The following CNTNAP2 variants were observed in gnomAD, a reference collection of about 807,000 sequenced individuals.
CNTNAP2 encodes the protein contactin-associated protein-like 2.
In CNTNAP2, 98 loss-of-function variants were observed where a neutral mutation model predicts 155.2. That is an observed-to-expected ratio of 0.63 (90% CI 0.54 to 0.75). The LOEUF (loss-of-function observed/expected upper bound fraction) is 0.75, where lower values mean the gene tolerates loss of function less well. Ranked by LOEUF, CNTNAP2 falls within the 30% of genes least tolerant of loss-of-function variation. CNTNAP2 has a pLI of 0.00. For synonymous variants in CNTNAP2, 651 were observed against 631.2 expected (o/e 1.03, Z -0.47); for missense variants, 1,727 against 1,688.1 (o/e 1.02, Z -0.40).
chr7:146,310,386 C>T (rs1800798357), intron 1 of CNTNAP2, among the ~76,000 whole-genome samples: 1 of 152,022 alleles, frequency 6.6e-6, no homozygotes, highest in African/African-American at 2.4e-5. Flanking sequence ...TGAATTATTT[C>T]TGATTCCTCA....
chr7:147,356,296 C>T (rs1342775795), intron 9 of CNTNAP2, among the ~76,000 whole-genome samples: 2 of 151,484 alleles, frequency 1.3e-5, no homozygotes, highest in African/African-American at 4.8e-5. Flanking sequence ...CAAAATAATA[C>T]CTATTTATGA....
intron 1 of CNTNAP2, among the ~76,000 whole-genome samples, chr7:146,531,313 C>G (rs1797766095): frequency 6.6e-6 from 1 of 151,992 alleles, no homozygotes; most frequent in Non-Finnish European, 1.5e-5. Flanking sequence ...TACACCAAAC[C>G]CCTGCGAACA....
chr7:147,940,413 G>A (rs964639734), intron 14 of CNTNAP2: 1 of 151,188 alleles, frequency 6.6e-6, no homozygotes, highest in Non-Finnish European at 1.5e-5. Flanking sequence ...AAAAAGCAGA[G>A]TAAAACTTAC....
intron 8 of CNTNAP2, among the ~76,000 whole-genome samples, chr7:147,254,609 T>C (rs1804279718): frequency 6.6e-6 from 1 of 152,224 alleles, no homozygotes; most frequent in Non-Finnish European, 1.5e-5. Flanking sequence ...TATAACCATA[T>C]GGTTTTTCCT....
intron 3 of CNTNAP2, among the ~76,000 whole-genome samples, chr7:146,979,395 C>A (rs1388170182): frequency 1.3e-5 from 2 of 152,184 alleles, no homozygotes; most frequent in Non-Finnish European, 2.9e-5. Flanking sequence ...CTGGCTCCTT[C>A]TTATTATCCA....
chr7:146,481,563 A>C (rs947580132), intron 1 of CNTNAP2, among the ~76,000 whole-genome samples: 11 of 152,166 alleles, frequency 7.2e-5, no homozygotes, highest in South Asian at 2.1e-4. Context: ...CCACCTCCTC[A>C]TCATCATCAT....
chr7:146,814,821 C>G (rs1411700308), intron 2 of CNTNAP2, among the ~76,000 whole-genome samples: 2 of 152,148 alleles, frequency 1.3e-5, no homozygotes, highest in East Asian at 3.9e-4. Context: ...ACAAAACTTA[C>G]AGTCATTTCT....
At chr7:147,319,152 G>A (rs926252414) in intron 9 of CNTNAP2, among the ~76,000 whole-genome samples, 2 of 152,026 alleles carry the variant, frequency 1.3e-5, no homozygotes, top group African/African-American at 4.8e-5. Flanking sequence ...TTCCAGTATA[G>A]AATGTCCATA....
intron 8 of CNTNAP2, among the ~76,000 whole-genome samples, chr7:147,174,003 C>G (rs1407267448): frequency 1.3e-5 from 2 of 152,098 alleles, no homozygotes; most frequent in Admixed American, 6.5e-5. Context: ...GCATAGGGAA[C>G]TGATTATGCC....
chr7:147,196,247 C>A (rs1189701894), intron 8 of CNTNAP2, among the ~76,000 whole-genome samples: 1 of 152,152 alleles, frequency 6.6e-6, no homozygotes, highest in Non-Finnish European at 1.5e-5. Flanking sequence ...GCAGCCCACA[C>A]CAACTAACAC....
intron 1 of CNTNAP2, among the ~76,000 whole-genome samples, chr7:146,621,712 C>G (rs763588873): frequency 2.2e-4 from 33 of 152,210 alleles, no homozygotes; most frequent in Middle Eastern, 3.4e-3. Flanking sequence ...ATCTTGATTA[C>G]CTGGCTAAAG....
intron 2 of CNTNAP2, among the ~76,000 whole-genome samples, chr7:146,813,835 G>T (rs1490027993): frequency 1.3e-5 from 2 of 152,092 alleles, no homozygotes; most frequent in Non-Finnish European, 2.9e-5. Context: ...GGAAGTAATT[G>T]AATCATGGGG....
At chr7:146,592,238 C>T (rs547671046) in intron 1 of CNTNAP2, among the ~76,000 whole-genome samples, 129 of 152,274 alleles carry the variant, frequency 8.5e-4, no homozygotes, top group African/African-American at 3.0e-3. Context: ...ATCTCTGTGG[C>T]ATATGGTCTT....
chr7:146,156,802 T>C (rs908340040), intron 1 of CNTNAP2, among the ~76,000 whole-genome samples: 4 of 152,190 alleles, frequency 2.6e-5, no homozygotes, highest in Non-Finnish European at 5.9e-5. Flanking sequence ...GGTTTCACCA[T>C]GTTGGCCAGG....
intron 15 of CNTNAP2, among the ~76,000 whole-genome samples, chr7:148,027,306 A>T (rs17170796): frequency 0.24 from 36,048 of 152,182 alleles, 5,367 homozygotes; most frequent in East Asian, 0.48. Context: ...CTTAGTGAAA[A>T]GTTTAGCCAA....
At chr7:147,222,599 A>G (rs1221773805) in intron 8 of CNTNAP2, among the ~76,000 whole-genome samples, 1 of 152,010 alleles carries the variant, frequency 6.6e-6, no homozygotes, top group Admixed American at 6.6e-5. Flanking sequence ...TGGCCCTTCA[A>G]ACTGTTTTTT....
intron 15 of CNTNAP2, among the ~76,000 whole-genome samples, chr7:148,005,261 G>A (rs754625768): frequency 2.0e-4 from 30 of 152,016 alleles, no homozygotes; most frequent in Non-Finnish European, 4.0e-4. Context: ...GCTCGTTAGG[G>A]CCCCTTTTTA....
At chr7:146,202,550 A>G (rs920762353) in intron 1 of CNTNAP2, among the ~76,000 whole-genome samples, 22 of 152,138 alleles carry the variant, frequency 1.4e-4, no homozygotes, top group African/African-American at 5.3e-4. Flanking sequence ...ATAGAAACCT[A>G]TGCCCCCAGA....
intron 1 of CNTNAP2, among the ~76,000 whole-genome samples, chr7:146,505,812 T>C (rs1797375939): frequency 6.6e-6 from 1 of 152,174 alleles, no homozygotes; most frequent in Admixed American, 6.5e-5. Flanking sequence ...CATCTGTAAG[T>C]GGATGGGGTC....
Sources: allele counts gnomAD v4.1 joint callset (sites outside exome capture counted in the v4.1 genomes callset), GRCh38; gene constraint gnomAD v4.1.1; transcripts MANE v1.5; gene names NCBI Gene and HGNC (gene_info 2026-07-23, HGNC 2026-07-21).